The following UGT1A10 variants were observed in gnomAD, a reference collection of about 807,000 sequenced individuals.
The protein encoded by UGT1A10 is UDP glucuronosyltransferase family 1 member A10.
A neutral mutation model predicts 45.8 loss-of-function variants in UGT1A10; 49 were observed. The ratio of observed to expected loss-of-function variants is 1.07; its 90% CI spans 0.85 to 1.36. The LOEUF (loss-of-function observed/expected upper bound fraction) is 1.36, where lower values mean the gene tolerates loss of function less well. Ranked by LOEUF, UGT1A10 falls within the 40% of genes most tolerant of loss-of-function variation. The pLI is 0.00. For missense variants in UGT1A10, 745 were observed against 668.6 expected, an observed-to-expected ratio of 1.11 and a Z score of -1.26; for synonymous variants, 284 against 249.7, an observed-to-expected ratio of 1.14 and a Z score of -1.29.
chr2:233,693,069 G>T, intron 1 of UGT1A10: 2 of 1,614,148 alleles, frequency 1.2e-6, no homozygotes, highest in Middle Eastern at 1.6e-4. Context: ...GCACTTTGGG[G>T]CATGGTTGTA....
At chr2:233,743,583 A>C (rs1360653487) in intron 1 of UGT1A10, 5 of 1,367,304 alleles carry the variant, frequency 3.7e-6, no homozygotes, top group Non-Finnish European at 4.9e-6. Context: ...AAGAGGTCAA[A>C]GGAGAATGGG....
rs192009384 is a variant in UGT1A10, at chr2:233,645,413, A to T, written c.855+8036A>T. On this transcript the variant is annotated intron_variant, in intron 1 of 4. Transcript: ENST00000344644. The stretch of plus-strand genomic sequence containing the variant: ...AATCATGCCCTCCCAACAGTCCCGC[A>T]AAGTCTCAGCATTAACTCAAAAGTC... 7.7e-4 allele frequency among the ~76,000 whole-genome samples: 117 copies of T among 152,322 alleles called. 1 individual carries two copies. Among genetic ancestry groups the T allele is most frequent in the Non-Finnish European group, 1.2e-3 (79 of 68,014 alleles).
intron 1 of UGT1A10, among the ~76,000 whole-genome samples, chr2:233,652,025 T>C (rs2073756111): frequency 6.6e-6 from 1 of 152,222 alleles, no homozygotes; most frequent in African/African-American, 2.4e-5. Flanking sequence ...CCAGGCTTTT[T>C]TAGTTTTTGG....
chr2:233,646,141 A>G (rs190310855), intron 1 of UGT1A10, among the ~76,000 whole-genome samples: 19 of 152,284 alleles, frequency 1.2e-4, no homozygotes, highest in African/African-American at 4.6e-4. Flanking sequence ...CCATGGTGTG[A>G]GCTGTACTTT....
At chr2:233,686,703 C>T (rs1289178074) in intron 1 of UGT1A10, among the ~76,000 whole-genome samples, 1 of 152,174 alleles carries the variant, frequency 6.6e-6, no homozygotes, top group Non-Finnish European at 1.5e-5. Flanking sequence ...CTCTGGCCTG[C>T]ACCCTCCCAC....
chr2:233,748,539 G>A (rs1278710171), intron 1 of UGT1A10, among the ~76,000 whole-genome samples: 3 of 151,838 alleles, frequency 2.0e-5, no homozygotes, highest in Non-Finnish European at 2.9e-5. Context: ...GGTGACCACA[G>A]GAGACCTAAG....
chr2:233,764,438 T>C (rs1160972363), intron 1 of UGT1A10, among the ~76,000 whole-genome samples: 2 of 152,224 alleles, frequency 1.3e-5, no homozygotes, highest in Non-Finnish European at 2.9e-5. Context: ...GATGAACTTT[T>C]GTGCCATTTA....
chr2:233,679,382 C>A (rs142374480), intron 1 of UGT1A10, among the ~76,000 whole-genome samples: 38 of 152,142 alleles, frequency 2.5e-4, no homozygotes, highest in African/African-American at 8.0e-4. Flanking sequence ...GAGTGTTGAT[C>A]TTTTCCTTTC....
intron 1 of UGT1A10, chr2:233,755,528 C>G (rs1695950556): frequency 6.3e-6 from 1 of 159,796 alleles, no homozygotes; most frequent in South Asian, 1.8e-4. Flanking sequence ...CGGCCTCCAA[C>G]CAGCCATGGT....
intron 4 of UGT1A10, among the ~76,000 whole-genome samples, 167 bp from the exon 5 acceptor site, chr2:233,772,095 A>T (rs35172078): frequency 0.012 from 1,767 of 152,322 alleles, 16 homozygotes; most frequent in Middle Eastern, 0.031. Context: ...CCCGGGCAAC[A>T]GGGCAAGACT....
chr2:233,683,013 T>C (rs1053906206), intron 1 of UGT1A10, among the ~76,000 whole-genome samples: 2 of 152,186 alleles, frequency 1.3e-5, no homozygotes, highest in African/African-American at 2.4e-5. Flanking sequence ...TTGTAGATCA[T>C]ATCTAGGCTG....
intron 1 of UGT1A10, among the ~76,000 whole-genome samples, chr2:233,650,262 A>G (rs1316648056): frequency 6.6e-6 from 1 of 152,110 alleles, no homozygotes; most frequent in Non-Finnish European, 1.5e-5. Flanking sequence ...GAGCCACCGT[A>G]CCTGGCCAAG....
At chr2:233,703,292 T>G (rs1176521363) in intron 1 of UGT1A10, among the ~76,000 whole-genome samples, 1 of 151,522 alleles carries the variant, frequency 6.6e-6, no homozygotes, top group African/African-American at 2.4e-5. Context: ...GGTAGTAACA[T>G]TCCCTCTTTC....
intron 1 of UGT1A10, chr2:233,692,834 T>C: frequency 6.2e-6 from 9 of 1,445,768 alleles, no homozygotes; most frequent in East Asian, 2.5e-5. Flanking sequence ...GTGATTAAAA[T>C]GGTTAAATAT....
rs542057655 is a variant in UGT1A10 at position 233,743,464 on chromosome 2, C to G, written c.856-23570C>G. The G allele has an allele frequency of 3.7e-5, 50 of 1,366,536 alleles. No individual in the cohort carries two copies. The South Asian group carries it at 5.6e-4, about 15-fold the overall frequency. The allele number at this position is 1,366,536 out of a possible 1,614,324, so 84.7% of individuals were successfully genotyped here. A position where few individuals can be genotyped will look rare whatever the true frequency, so the allele number is the denominator to read the frequency against. On this transcript the variant is annotated intron_variant, in intron 1 of 4. Coordinates refer to ENST00000344644, the MANE Select transcript of UGT1A10 (RefSeq NM_019075.4). ...TGTATCAAAAGAAGAAAAAACACCC[C>G]CAAAAGCTGGAAATTCACTGAAGGC...
At chr2:233,650,925 T>C (rs2073722683) in intron 1 of UGT1A10, among the ~76,000 whole-genome samples, 2 of 152,238 alleles carry the variant, frequency 1.3e-5, no homozygotes, top group South Asian at 4.1e-4. Context: ...CATGCAATTT[T>C]GGCTATGTTC....
intron 1 of UGT1A10, among the ~76,000 whole-genome samples, chr2:233,690,289 G>A (rs1485479711): frequency 6.6e-6 from 1 of 152,136 alleles, no homozygotes; most frequent in Non-Finnish European, 1.5e-5. Flanking sequence ...AATCTTGCAG[G>A]TGGGTCCTGG....
Position 233,671,949 on chromosome 2 carries a change from G to A in UGT1A10, c.855+34572G>A, listed in dbSNP as rs781044929. 4 of 1,612,602 alleles carry A rather than the reference G, an allele frequency of 2.5e-6. No individual in the cohort carries two copies. The East Asian group carries it at 6.7e-5, about 27-fold the overall frequency. ...GCAGTTCTCTGATGGCTTGCACAGG[G>A]TGGACCAGCCCCCTTCCTCTATGTG... is the stretch of plus-strand genomic sequence containing the variant. On this transcript the variant is annotated intron_variant, in intron 1 of 4. Coordinates refer to ENST00000344644, the MANE Select transcript of UGT1A10 (RefSeq NM_019075.4).
At chr2:233,658,981 A>C (rs1452715049) in intron 1 of UGT1A10, among the ~76,000 whole-genome samples, 1 of 152,224 alleles carries the variant, frequency 6.6e-6, no homozygotes, top group East Asian at 1.9e-4. Flanking sequence ...GCACAAAAAA[A>C]AGCCTGTTGG....
Sources: gnomAD v4.1 joint callset for allele counts (sites outside exome capture counted in the v4.1 genomes callset) on GRCh38, gnomAD v4.1.1 for gene constraint, MANE v1.5 for transcripts, NCBI Gene and HGNC (gene_info 2026-07-23, HGNC 2026-07-21) for gene names.